The following ZNF860 variants were observed in gnomAD, a reference collection of about 807,000 sequenced individuals.
The protein encoded by ZNF860 is zinc finger protein 860.
For synonymous variants in ZNF860, 206 were observed against 248.9 expected (o/e 0.83, Z 1.62); for missense variants, 641 against 759.2 (o/e 0.84, Z 1.83).
chr3:32,002,196 C>T, the ZNF860 span, among the ~76,000 whole-genome samples: 1 of 152,142 alleles, frequency 6.6e-6, no homozygotes, highest in South Asian at 2.1e-4. Flanking sequence ...GAAATTGCTT[C>T]TCTCTTTTAT....
the ZNF860 span, among the ~76,000 whole-genome samples, chr3:31,999,739 C>A: frequency 5.9e-5 from 9 of 152,098 alleles, no homozygotes; most frequent in South Asian, 1.2e-3. Context: ...CTCTGCTATG[C>A]CCAGATGTCA....
Position 31,990,829 on chromosome 3 carries a change from C to G in ZNF860, c.1750C>G (p.Gln584Glu). The G allele has an allele frequency of 6.3e-7, 1 of 1,594,646 alleles. No individual in the cohort carries two copies. Among genetic ancestry groups the G allele is most frequent in the Non-Finnish European group, 8.6e-7 (1 of 1,169,480 alleles). The change falls in exon 2 of 2, where the codon CAA becomes GAA. Residue 584 changes from glutamine to glutamate, a missense_variant. Transcript: ENST00000360311. ...CAGTCAAGCTTCATCTTATGCAAAACAAAGGAGAATTCATATGGGAGAGAA... is the reference window on the plus strand; with the variant it reads ...CAGTCAAGCTTCATCTTATGCAAAAGAAAGGAGAATTCATATGGGAGAGAA... ...AFSQASSYAK[Q>E]RRIHMGEKHH...
At position 31,989,848 on chromosome 3, in the gene ZNF860, C is replaced by A; in HGVS notation, c.769C>A (p.Gln257Lys). 1 of 1,614,052 alleles carries A rather than the reference C, an allele frequency of 6.2e-7. No individual in the cohort carries two copies. Among genetic ancestry groups the A allele is most frequent in the Non-Finnish European group, 8.5e-7 (1 of 1,180,004 alleles). Reference sequence around the variant, plus strand: ...TCAGATAATCTATTTAGGAGGGAAACAATATAAATGTGATGTATGTGGCAA... The same window carrying A: ...TCAGATAATCTATTTAGGAGGGAAAAAATATAAATGTGATGTATGTGGCAA... ...KHQIIYLGGKQYKCDVCGKVF... is the reference protein window; with the variant it reads ...KHQIIYLGGKKYKCDVCGKVF... Residue 257 changes from glutamine to lysine, a missense_variant, in exon 2 of 2, where the codon CAA becomes AAA. Gln to Lys is a moderately conservative substitution (Grantham distance 53). Coordinates refer to ENST00000360311, the MANE Select transcript of ZNF860 (RefSeq NM_001137674.3).
At chr3:31,987,786 C>T (rs896943066) in intron 1 of ZNF860, among the ~76,000 whole-genome samples, 3 of 152,156 alleles carry the variant, frequency 2.0e-5, no homozygotes, top group Non-Finnish European at 4.4e-5. Context: ...AAGACTGGGA[C>T]ATTTATAAGC....
rs1559543926 is a variant in ZNF860, at chr3:31,989,301, CTCA to C, written c.226_228del (p.Ser76del). On this transcript the variant is annotated inframe_deletion, in exon 2 of 2. Coordinates refer to ENST00000360311, the MANE Select transcript of ZNF860 (RefSeq NM_001137674.3). ...CTTCCAAATGCATGATGAAGAAGTT[CTCA>C]TCAACAGCGCAAGGCAATACAGAAG... The C allele has an allele frequency of 6.2e-7, 1 of 1,614,138 alleles. No homozygotes were observed. Among genetic ancestry groups the C allele is most frequent in the East Asian group, 2.2e-5 (1 of 44,886 alleles).
rs74925174 is a variant in ZNF860, at chr3:31,986,687, C to T, written c.-420-1973C>T. On this transcript the variant is annotated intron_variant, in intron 1 of 1. Coordinates refer to ENST00000360311, the MANE Select transcript of ZNF860 (RefSeq NM_001137674.3). Reference sequence around the variant, plus strand: ...TATTATTTTATTAAATAGATGCTCACTTTCAAAGATTTGCACACAAAATTA... The same window carrying T: ...TATTATTTTATTAAATAGATGCTCATTTTCAAAGATTTGCACACAAAATTA... Among the ~76,000 whole-genome samples, 1,365 of 152,222 alleles carry T rather than the reference C, an allele frequency of 9.0e-3. 57 individuals carry two copies. In the East Asian group the frequency reaches 0.15, roughly 17 times the overall value.
intron 1 of ZNF860, among the ~76,000 whole-genome samples, chr3:31,987,015 CAG>C (rs1698943289): frequency 1.3e-5 from 2 of 151,900 alleles, no homozygotes; most frequent in African/African-American, 4.8e-5. Flanking sequence ...TCAAAAAAAA[CAG>C]AAACTAAAAA....
At position 31,990,577 on chromosome 3, in the gene ZNF860, C is replaced by T. The variant is rs1269400386; in HGVS notation, c.1498C>T (p.His500Tyr). 2 of 1,613,952 alleles carry T rather than the reference C, an allele frequency of 1.2e-6. No homozygotes were observed. The highest frequency in any genetic ancestry group is 3.3e-5 in the Admixed American group (2 of 59,978). ...CCGTCACAATTCAGCCCTTGTAATTCATAAGGCAATTCATACTGGAGAGAA... is the reference window on the plus strand; with the variant it reads ...CCGTCACAATTCAGCCCTTGTAATTTATAAGGCAATTCATACTGGAGAGAA... ...TFRHNSALVI[H>Y]KAIHTGEKPY... The change falls in exon 2 of 2, where the codon CAT (histidine) becomes TAT (tyrosine). Residue 500 changes from histidine (H) to tyrosine (Y), a missense_variant. By Grantham distance (83) the His-to-Tyr change is moderately conservative (BLOSUM62 2). Transcript: ENST00000360311.
chr3:31,990,745 C>T lies in ZNF860; in HGVS notation c.1666C>T (p.His556Tyr). The change falls in exon 2 of 2, where the codon CAT (histidine) becomes TAT (tyrosine). Residue 556 changes from histidine to tyrosine, a missense_variant. Physicochemically the swap from His to Tyr is moderately conservative, Grantham distance 83. Coordinates refer to ENST00000360311, the MANE Select transcript of ZNF860 (RefSeq NM_001137674.3). ...CAGTCGCAAATCACACCATGAAACA[C>T]ATAAGAGAATTCATACTGGAGAGAA... ...VFSRKSHHET[H>Y]KRIHTGEKPY... 1 of 1,613,956 alleles carries T rather than the reference C, an allele frequency of 6.2e-7. No homozygotes were observed. The highest frequency in any genetic ancestry group is 8.5e-7 in the Non-Finnish European group (1 of 1,179,882).
At chr3:31,995,817 T>G (rs969424588), downstream of ZNF860, among the ~76,000 whole-genome samples, 3 of 152,160 alleles carry the variant, frequency 2.0e-5, no homozygotes, top group African/African-American at 7.2e-5. Context: ...CCCCAGGTTT[T>G]TAAAGAGCCA....
In ZNF860 at chr3:31,990,184, C is replaced by T. The variant is rs1409795583; in HGVS notation, c.1105C>T (p.Pro369Ser). The T allele has an allele frequency of 2.5e-6, 4 of 1,613,756 alleles. No individual in the cohort carries two copies. Among genetic ancestry groups the T allele is most frequent in the African/African-American group, 2.7e-5 (2 of 74,874 alleles). ...QHTRIHTGEK[P>S]YKCNECGKAF... ...CACTAGAATTCACACTGGAGAGAAA[C>T]CTTACAAGTGTAATGAGTGTGGCAA... Residue 369 changes from proline (P) to serine (S), a missense_variant, in exon 2 of 2, where the codon CCT (proline) becomes TCT (serine). Physicochemically the swap from Pro to Ser is moderately conservative, Grantham distance 74. Transcript: ENST00000360311.
Position 31,989,622 on chromosome 3 carries a change from G to T in ZNF860, c.543G>T (p.Lys181Asn), listed in dbSNP as rs553818646. 6.2e-7 allele frequency: 1 copy of T among 1,614,182 alleles called. No homozygotes were observed. Among genetic ancestry groups the T allele is most frequent in the African/African-American group, 1.3e-5 (1 of 75,044 alleles). Residue 181 changes from lysine (K) to asparagine (N), a missense_variant, in exon 2 of 2, where the codon AAG becomes AAT. Coordinates refer to ENST00000360311, the MANE Select transcript of ZNF860 (RefSeq NM_001137674.3). ...TKGKVGNQVE[K>N]SINDASSVLT... ...GGAAAGTTGGTAATCAAGTTGAGAA[G>T]TCTATCAACGATGCTTCCTCAGTTC...
At chr3:32,001,949 A>G in the ZNF860 span, among the ~76,000 whole-genome samples, 1 of 152,234 alleles carries the variant, frequency 6.6e-6, no homozygotes, top group Admixed American at 6.5e-5. Context: ...ATAAAATATC[A>G]TCTTCATTTT....
intron 1 of ZNF860, chr3:31,986,551 C>T (rs1444507239): frequency 1.3e-5 from 2 of 152,030 alleles, no homozygotes; most frequent in South Asian, 2.1e-4. Context: ...CGAGACCATC[C>T]TGGCTAACAC....
downstream of ZNF860, among the ~76,000 whole-genome samples, chr3:31,995,198 G>T (rs375734638): frequency 3.9e-5 from 6 of 152,140 alleles, no homozygotes; most frequent in East Asian, 9.6e-4. Flanking sequence ...GCAGAGAACT[G>T]GTCTGACCTC....
the ZNF860 span, among the ~76,000 whole-genome samples, chr3:32,001,095 G>A: frequency 6.6e-6 from 1 of 152,172 alleles, no homozygotes; most frequent in East Asian, 1.9e-4. Context: ...GCATCTAGGG[G>A]CGCTGTTGTC....
Position 31,990,885 on chromosome 3 carries a change from C to A in ZNF860, c.1806C>A (p.Ala602=). 1 of 1,575,654 alleles carries A rather than the reference C, an allele frequency of 6.3e-7. No homozygotes were observed. The highest frequency in any genetic ancestry group is 1.2e-5 in the South Asian group (1 of 86,944). Reference sequence around the variant, plus strand: ...ACAAGTGTGATGATTGTGGCAAAGCCTTTACTTCACATTCACATCGCATTA... The same window carrying A: ...ACAAGTGTGATGATTGTGGCAAAGCATTTACTTCACATTCACATCGCATTA... ...KHHKCDDCGK[A]FTSHSHRIRH... Residue 602 remains alanine (A), a synonymous_variant, in exon 2 of 2, where the codon GCC becomes GCA. Transcript: ENST00000360311.
At chr3:32,002,905 A>G in the ZNF860 span, among the ~76,000 whole-genome samples, 17 of 152,292 alleles carry the variant, frequency 1.1e-4, no homozygotes, top group African/African-American at 3.6e-4. Context: ...TCTTGTCTCA[A>G]TGGGGGTGAC....
At chr3:31,999,150 A>G in the ZNF860 span, among the ~76,000 whole-genome samples, 1 of 152,150 alleles carries the variant, frequency 6.6e-6, no homozygotes, top group Non-Finnish European at 1.5e-5. Context: ...TCTGGAGGGC[A>G]TCACTGTAAC....
Sources: allele counts gnomAD v4.1 joint callset (sites outside exome capture counted in the v4.1 genomes callset), GRCh38; gene constraint gnomAD v4.1.1; transcripts MANE v1.5; gene names NCBI Gene and HGNC (gene_info 2026-07-23, HGNC 2026-07-21).